Variants in NDST4 observed in about 807,000 individuals in gnomAD.
NDST4 encodes N-deacetylase and N-sulfotransferase 4, also known as N-heparan sulfate sulfotransferase 4.
Under a neutral mutation model 100.8 loss-of-function variants are expected in NDST4, and 63 were observed. The observed-to-expected ratio is 0.62, with a 90% confidence interval of 0.51 to 0.77. NDST4 has a LOEUF of 0.77. Ranked by LOEUF, NDST4 falls within the 30% of genes least tolerant of loss-of-function variation. The pLI, the probability that NDST4 is intolerant of heterozygous loss-of-function variation, is 0.00. For missense variants in NDST4, 943 were observed against 1,018.4 expected (o/e 0.93, Z 1.01); for synonymous variants, 377 against 361.8 (o/e 1.04, Z -0.48).
At chr4:115,084,412 G>T (rs1487517995) in intron 1 of NDST4, among the ~76,000 whole-genome samples, 1 of 152,190 alleles carries the variant, frequency 6.6e-6, no homozygotes, top group Admixed American at 6.5e-5. Context: ...GCCTGCTGCA[G>T]AAATTTGCAT....
chr4:115,008,401 C>T lies in NDST4; in HGVS notation c.979-31127G>A, dbSNP rs1167140594. 1.6e-5 allele frequency among the ~76,000 whole-genome samples: 2 copies of T among 128,700 alleles called. 1 individual carries two copies. Among genetic ancestry groups the T allele is most frequent in the African/African-American group, 5.9e-5 (2 of 33,884 alleles). 84.4% of individuals were successfully genotyped at this position (128,700 alleles called of 152,430 possible). A position where few individuals can be genotyped will look rare whatever the true frequency, so the allele number is the denominator to read the frequency against. On this transcript the variant is annotated intron_variant, in intron 2 of 13. Transcript: ENST00000264363. ...TCTTTTAGGGCAGGCCTGGTGGTGA[C>T]AAAATCACTCAGCATTTGCTTGTCT...
intron 2 of NDST4, among the ~76,000 whole-genome samples, chr4:115,052,071 T>C (rs1177853844): frequency 1.3e-5 from 2 of 152,184 alleles, no homozygotes; most frequent in African/African-American, 4.8e-5. Flanking sequence ...TAGTCATTTG[T>C]ATGTCTTCTT....
chr4:114,883,460 T>C (rs539141820), intron 6 of NDST4, among the ~76,000 whole-genome samples: 4 of 152,150 alleles, frequency 2.6e-5, no homozygotes, highest in South Asian at 2.1e-4. Flanking sequence ...GAATATATAA[T>C]TGATGTGCTA....
At chr4:114,943,900 T>A (rs1384314750) in intron 4 of NDST4, among the ~76,000 whole-genome samples, 2 of 152,204 alleles carry the variant, frequency 1.3e-5, no homozygotes, top group African/African-American at 2.4e-5. Context: ...TCATAAACTC[T>A]ATTTAAGTGT....
rs1450288108 is a variant in NDST4, at chr4:114,845,843, T to C, written c.2095A>G (p.Arg699Gly). The stretch of plus-strand genomic sequence containing the variant: ...CATACCTGGTACCAAGAGTATGCCC[T>C]GTCTGAGGGGTCAATGAGGATGGTG... ...IITILIDPSDRAYSWYQHQRS... is the reference protein window; with the variant it reads ...IITILIDPSDGAYSWYQHQRS... Residue 699 changes from arginine to glycine, a missense_variant, in exon 10 of 14, where the codon AGG (arginine) becomes GGG (glycine). This residue lies in a region of NDST4 where 526 missense variants were observed against 634.1 expected (regional missense o/e 0.83). Coordinates refer to ENST00000264363, the MANE Select transcript of NDST4 (RefSeq NM_022569.3). 6.2e-7 allele frequency: 1 copy of C among 1,613,916 alleles called. No homozygotes were observed.
chr4:114,909,109 A>G (rs963325147), intron 6 of NDST4, among the ~76,000 whole-genome samples: 1 of 152,220 alleles, frequency 6.6e-6, no homozygotes, highest in South Asian at 2.1e-4. Flanking sequence ...AAATTGAAAT[A>G]CATCTCTACA....
At chr4:114,840,921 G>C in intron 10 of NDST4, among the ~76,000 whole-genome samples, 1 of 151,370 alleles carries the variant, frequency 6.6e-6, no homozygotes, top group East Asian at 1.9e-4. Flanking sequence ...AAGTTCTCTT[G>C]TTGTTGTATA....
chr4:114,870,225 T>C (rs1724118546), intron 7 of NDST4, among the ~76,000 whole-genome samples: 1 of 152,146 alleles, frequency 6.6e-6, no homozygotes, highest in South Asian at 2.1e-4. Context: ...GACAATTCTC[T>C]TTTTCAGTAG....
At chr4:114,977,295 A>G in intron 2 of NDST4, 21 bp from the exon 3 acceptor site, 1 of 1,512,850 alleles carries the variant, frequency 6.6e-7, no homozygotes, top group African/African-American at 1.4e-5. Context: ...TAAGAAATTA[A>G]CATGATTTTA....
chr4:114,978,963 T>C (rs1726704255), intron 2 of NDST4, among the ~76,000 whole-genome samples: 1 of 152,126 alleles, frequency 6.6e-6, no homozygotes, highest in Non-Finnish European at 1.5e-5. Flanking sequence ...GTCTGGCAAG[T>C]AGCATGAGCT....
intron 2 of NDST4, among the ~76,000 whole-genome samples, chr4:115,005,957 G>T (rs1312492995): frequency 6.7e-6 from 1 of 150,020 alleles, no homozygotes. Flanking sequence ...GCTTGAACTC[G>T]GGAGGCAGAG....
At chr4:114,943,089 AATTAT>A (rs899364121) in intron 4 of NDST4, among the ~76,000 whole-genome samples, 4 of 147,536 alleles carry the variant, frequency 2.7e-5, no homozygotes, top group African/African-American at 7.4e-5. Flanking sequence ...ATATAATTTA[AATTAT>A]ATTATATATG....
intron 2 of NDST4, among the ~76,000 whole-genome samples, chr4:115,058,933 G>A (rs1303614301): frequency 2.6e-5 from 4 of 151,796 alleles, no homozygotes; most frequent in Non-Finnish European, 5.9e-5. Flanking sequence ...GTTTCATAGA[G>A]TCAGAATAGA....
intron 7 of NDST4, among the ~76,000 whole-genome samples, chr4:114,853,430 C>A (rs553047078): frequency 6.6e-6 from 1 of 152,124 alleles, no homozygotes; most frequent in Non-Finnish European, 1.5e-5. Context: ...CTCAACATAC[C>A]CAATGTATCC....
chr4:114,924,581 A>T (rs987530757), intron 6 of NDST4, among the ~76,000 whole-genome samples: 43 of 152,092 alleles, frequency 2.8e-4, no homozygotes, highest in Admixed American at 1.0e-3. Flanking sequence ...TAAGCCCCAG[A>T]GCTCCCAATA....
chr4:114,827,993 T>C, intron 13 of NDST4, 58 bp from the exon 14 acceptor site: 1 of 1,498,688 alleles, frequency 6.7e-7, no homozygotes, highest in Non-Finnish European at 9.0e-7. Flanking sequence ...AACAGGATAT[T>C]GTAATCTATA....
intron 6 of NDST4, among the ~76,000 whole-genome samples, chr4:114,924,492 T>C (rs1725350524): frequency 6.7e-6 from 1 of 149,402 alleles, no homozygotes; most frequent in South Asian, 2.1e-4. Context: ...TTTCAGTGAG[T>C]GGAAATAGAA....
At chr4:114,920,840 C>A (rs1365024302) in intron 6 of NDST4, among the ~76,000 whole-genome samples, 2 of 152,130 alleles carry the variant, frequency 1.3e-5, no homozygotes, top group African/African-American at 2.4e-5. Flanking sequence ...ATCCTATCCA[C>A]TAGTGATAGG....
At chr4:115,055,406 G>A (rs537991377) in intron 2 of NDST4, among the ~76,000 whole-genome samples, 4 of 152,088 alleles carry the variant, frequency 2.6e-5, no homozygotes, top group African/African-American at 7.2e-5. Flanking sequence ...AAAAAGATTG[G>A]GGATCACTGG....
Sources: allele counts gnomAD v4.1 joint callset (sites outside exome capture counted in the v4.1 genomes callset), GRCh38; gene constraint gnomAD v4.1.1; regional missense constraint gnomAD v4.1.1; transcripts MANE v1.5; gene names NCBI Gene and HGNC (gene_info 2026-07-23, HGNC 2026-07-21).